The following SLC36A1 variants were observed in gnomAD, a reference collection of about 807,000 sequenced individuals.
SLC36A1 encodes the protein solute carrier family 36 member 1, also known as proton-coupled amino acid transporter 1.
Under a neutral mutation model 47.5 loss-of-function variants are expected in SLC36A1, and 30 were observed. The observed-to-expected ratio is 0.63, with a 90% CI of 0.47 to 0.86. The LOEUF is 0.86. SLC36A1 is among the 40% of genes least tolerant of loss of function. The probability of loss-of-function intolerance (pLI) is 0.00; values close to 1 mark genes in which losing one functional copy is unlikely to be tolerated. For missense variants in SLC36A1, 517 were observed against 606.0 expected (o/e 0.85, Z 1.54); for synonymous variants, 255 against 249.7 (o/e 1.02, Z -0.20).
chr5:151,546,878 A>C, the SLC36A1 span, among the ~76,000 whole-genome samples: 4 of 152,112 alleles, frequency 2.6e-5, no homozygotes, highest in Non-Finnish European at 5.9e-5. Flanking sequence ...GTGCCTGGCT[A>C]CATTTTTAAT....
chr5:151,451,480 G>T (rs28703169), intron 1 of SLC36A1, among the ~76,000 whole-genome samples: 1 of 152,004 alleles, frequency 6.6e-6, no homozygotes, highest in East Asian at 1.9e-4. Flanking sequence ...CATCTCCAAG[G>T]TAGGGACCTG....
At chr5:151,409,579 G>A in the SLC36A1 span, among the ~76,000 whole-genome samples, 6 of 152,146 alleles carry the variant, frequency 3.9e-5, no homozygotes, top group East Asian at 1.2e-3. Context: ...CAAAATGTGG[G>A]CTATGAACCA....
the SLC36A1 span, among the ~76,000 whole-genome samples, chr5:151,516,377 G>A: frequency 4.5e-4 from 68 of 152,168 alleles, no homozygotes; most frequent in African/African-American, 1.6e-3. Context: ...ATTAGTGAGC[G>A]TGGTTGCACA....
the SLC36A1 span, chr5:151,546,267 C>G: frequency 6.2e-7 from 1 of 1,614,140 alleles, no homozygotes; most frequent in Non-Finnish European, 8.5e-7. Flanking sequence ...CATGATTTGC[C>G]TGATCAAGCT....
chr5:151,542,414 G>A, the SLC36A1 span: 12 of 1,614,024 alleles, frequency 7.4e-6, no homozygotes, highest in African/African-American at 1.3e-5. Flanking sequence ...GAAGCAAATC[G>A]GGGAGCATTG....
the SLC36A1 span, among the ~76,000 whole-genome samples, chr5:151,421,327 C>T: frequency 6.6e-6 from 1 of 150,660 alleles, no homozygotes; most frequent in African/African-American, 2.4e-5. Context: ...CTGCAACCTC[C>T]ACCTCCTGAG....
chr5:151,458,525 G>A (rs1275234055), intron 1 of SLC36A1, among the ~76,000 whole-genome samples: 5 of 151,894 alleles, frequency 3.3e-5, no homozygotes, highest in African/African-American at 4.8e-5. Context: ...GCTGTACTCC[G>A]GAAAATTAAG....
At chr5:151,428,350 T>C in the SLC36A1 span, among the ~76,000 whole-genome samples, 1 of 152,014 alleles carries the variant, frequency 6.6e-6, no homozygotes, top group African/African-American at 2.4e-5. Context: ...AAAAAAGCAG[T>C]CTTCAAAAAC....
At chr5:151,525,869 C>T in the SLC36A1 span, 3 of 1,614,098 alleles carry the variant, frequency 1.9e-6, 1 homozygote, top group South Asian at 1.1e-5. Flanking sequence ...CCGTTGTTCC[C>T]CTTGGTGATT....
At chr5:151,483,413 C>T (rs780941594) in intron 10 of SLC36A1, among the ~76,000 whole-genome samples, 2 of 151,862 alleles carry the variant, frequency 1.3e-5, no homozygotes, top group Non-Finnish European at 2.9e-5. Context: ...GTCCTCTGTC[C>T]CCCCTTTTGT....
At chr5:151,354,019 A>C in the SLC36A1 span, among the ~76,000 whole-genome samples, 3 of 152,242 alleles carry the variant, frequency 2.0e-5, no homozygotes, top group Admixed American at 1.3e-4. Flanking sequence ...TAAAGCTACT[A>C]TCTGCCGGGT....
chr5:151,554,578 G>C, the SLC36A1 span: 1 of 1,614,186 alleles, frequency 6.2e-7, no homozygotes, highest in Non-Finnish European at 8.5e-7. Context: ...AGAGCTTGTG[G>C]GAGAATATAG....
chr5:151,539,045 G>C, the SLC36A1 span, among the ~76,000 whole-genome samples: 1 of 152,140 alleles, frequency 6.6e-6, no homozygotes, highest in Middle Eastern at 3.4e-3. Flanking sequence ...CCATCTCCGG[G>C]AGGGCCAGGG....
chr5:151,355,944 TAG>T, the SLC36A1 span, among the ~76,000 whole-genome samples: 1 of 152,288 alleles, frequency 6.6e-6, no homozygotes, highest in Middle Eastern at 3.4e-3. Flanking sequence ...AGTGGACACT[TAG>T]GGGTGAAGCA....
chr5:151,449,402 TTGTC>T (rs774720719), intron 1 of SLC36A1, among the ~76,000 whole-genome samples: 1 of 152,210 alleles, frequency 6.6e-6, no homozygotes, highest in Admixed American at 6.5e-5. Context: ...AACTTTGTGT[TTGTC>T]TGGGGATGGA....
At chr5:151,375,099 G>A in the SLC36A1 span, among the ~76,000 whole-genome samples, 3 of 152,198 alleles carry the variant, frequency 2.0e-5, no homozygotes, top group South Asian at 6.2e-4. Context: ...TTTGTTGCCT[G>A]TACTTTTGAG....
chr5:151,506,413 A>G, the SLC36A1 span, among the ~76,000 whole-genome samples: 1 of 152,204 alleles, frequency 6.6e-6, no homozygotes, highest in Non-Finnish European at 1.5e-5. Flanking sequence ...ACTCCATCCC[A>G]AGTCCTACTG....
chr5:151,397,764 C>CAAAAAAAAAAAA, the SLC36A1 span, among the ~76,000 whole-genome samples: 1 of 44,338 alleles, frequency 2.3e-5, no homozygotes, highest in African/African-American at 8.9e-5. Context: ...AACTCCAACT[C>CAAAAAAAAAAAA]AAAAAAAAAA....
chr5:151,540,838 C>T, the SLC36A1 span: 2 of 1,314,948 alleles, frequency 1.5e-6, no homozygotes, highest in Non-Finnish European at 2.1e-6. Context: ...GGTGGCTGCC[C>T]ATTGGATGCA....
Sources: gnomAD v4.1 joint callset for allele counts (sites outside exome capture counted in the v4.1 genomes callset) on GRCh38, gnomAD v4.1.1 for gene constraint, MANE v1.5 for transcripts, NCBI Gene and HGNC (gene_info 2026-07-23, HGNC 2026-07-21) for gene names.